The following RALYL variants were observed in gnomAD, a reference collection of about 807,000 sequenced individuals.
RALYL encodes the protein RNA-binding Raly-like protein.
In RALYL, 29 loss-of-function variants were observed where a neutral mutation model predicts 35.1. That is an observed-to-expected ratio of 0.83 (90% CI 0.61 to 1.13). The LOEUF (loss-of-function observed/expected upper bound fraction) is 1.13. Ranked by LOEUF, RALYL falls within the 50% of genes most tolerant of loss-of-function variation. The pLI is 0.00. For missense variants in RALYL, 359 were observed against 360.4 expected (o/e 1.00, Z 0.03); for synonymous variants, 120 against 127.6 (o/e 0.94, Z 0.40).
chr8:84,467,602 A>T (rs902458400), intron 1 of RALYL, among the ~76,000 whole-genome samples: 1 of 151,320 alleles, frequency 6.6e-6, no homozygotes, highest in Non-Finnish European at 1.5e-5. Flanking sequence ...TGTGGTGCTG[A>T]AAAAAATGTA....
At chr8:84,735,962 C>A (rs971548283) in intron 2 of RALYL, among the ~76,000 whole-genome samples, 15 of 151,918 alleles carry the variant, frequency 9.9e-5, no homozygotes, top group African/African-American at 3.4e-4. Context: ...CAAAATACTG[C>A]AAAGTCAAAC....
In RALYL at chr8:84,539,683, T is replaced by C. The variant is rs191546212; in HGVS notation, c.256+10106T>C. ...CATTTAGACTTTACTACCTCTGGAA[T>C]TGAATTTTTTGGTATGGTATTTGAT... On this transcript the variant is annotated intron_variant, in intron 2 of 8. Coordinates refer to ENST00000521268, the MANE Select transcript of RALYL (RefSeq NM_173848.7). Among the ~76,000 whole-genome samples, 243 of 151,992 alleles carry C rather than the reference T, an allele frequency of 1.6e-3. 1 individual carries two copies. The highest frequency in any genetic ancestry group is 5.6e-3 in the African/African-American group (231 of 41,518).
chr8:84,427,885 G>C (rs1201651562), intron 1 of RALYL, among the ~76,000 whole-genome samples: 1 of 152,090 alleles, frequency 6.6e-6, no homozygotes, highest in Non-Finnish European at 1.5e-5. Context: ...ATATATACAG[G>C]TCACTGCTTT....
intron 1 of RALYL, among the ~76,000 whole-genome samples, chr8:84,227,813 A>G (rs1374315737): frequency 2.0e-5 from 3 of 152,174 alleles, no homozygotes; most frequent in African/African-American, 7.2e-5. Flanking sequence ...CATTATTGTA[A>G]TAGTGCCTCA....
At chr8:84,736,830 A>G (rs11985369) in intron 2 of RALYL, among the ~76,000 whole-genome samples, 40,956 of 151,884 alleles carry the variant, frequency 0.27, 5,853 homozygotes, top group African/African-American at 0.34. Flanking sequence ...ATTGTTATCT[A>G]CTTCATGATA....
chr8:84,443,424 C>G (rs1260857881), intron 1 of RALYL, among the ~76,000 whole-genome samples: 2 of 152,174 alleles, frequency 1.3e-5, no homozygotes, highest in Non-Finnish European at 2.9e-5. Flanking sequence ...ACTCACATCT[C>G]ACAGCCCAAA....
chr8:84,256,919 T>A (rs1831316957), intron 1 of RALYL, among the ~76,000 whole-genome samples: 1 of 152,042 alleles, frequency 6.6e-6, no homozygotes, highest in South Asian at 2.1e-4. Flanking sequence ...TCGCTAATAT[T>A]ATCTATTTTA....
chr8:84,311,742 A>G lies in RALYL; in HGVS notation c.-24+127318A>G, dbSNP rs138190906. On this transcript the variant is annotated intron_variant, in intron 1 of 8. Coordinates refer to ENST00000521268, the MANE Select transcript of RALYL (RefSeq NM_173848.7). The stretch of plus-strand genomic sequence containing the variant: ...CTGAAAATGAAGAGTAATGAAGGGA[A>G]GCTAGCCATGCTGGATATTGAAATT... Among the ~76,000 whole-genome samples the G allele has an allele frequency of 2.0e-3, 308 of 152,338 alleles. 1 individual carries two copies. Among genetic ancestry groups the G allele is most frequent in the African/African-American group, 6.7e-3 (280 of 41,576 alleles).
chr8:84,361,217 T>C (rs1852946709), intron 1 of RALYL, among the ~76,000 whole-genome samples: 1 of 152,198 alleles, frequency 6.6e-6, no homozygotes, highest in African/African-American at 2.4e-5. Context: ...GTAAAATTAG[T>C]TTCACATGTG....
At chr8:84,433,881 T>G (rs2047422536) in intron 1 of RALYL, among the ~76,000 whole-genome samples, 1 of 151,564 alleles carries the variant, frequency 6.6e-6, no homozygotes, top group South Asian at 2.1e-4. Context: ...GTGTAACATT[T>G]GAAAATATAT....
chr8:84,880,447 AT>A (rs1019176414), intron 7 of RALYL, among the ~76,000 whole-genome samples: 3 of 151,936 alleles, frequency 2.0e-5, no homozygotes, highest in Admixed American at 6.6e-5. Flanking sequence ...TCTGTACCCT[AT>A]CTCTGTCATC....
At chr8:84,525,716 AAATTCAC>A (rs2058828171) in intron 1 of RALYL, among the ~76,000 whole-genome samples, 1 of 152,004 alleles carries the variant, frequency 6.6e-6, no homozygotes, top group Non-Finnish European at 1.5e-5. Flanking sequence ...CTACAACTTC[AAATTCAC>A]AAATTCGTTC....
rs1021919417 is a variant in RALYL at position 84,183,502 on chromosome 8, G to A, written c.-946G>A. ...GGCAGAGACTGCGAGAAAAAAACGC[G>A]CTTCATTCCTTCTTCCACCGCCATA... On this transcript the variant is annotated 5_prime_UTR_variant, in exon 1 of 9. Transcript: ENST00000521268. 6.6e-6 allele frequency: 1 copy of A among 152,328 alleles called. No homozygotes were observed. The highest frequency in any genetic ancestry group is 2.4e-5 in the African/African-American group (1 of 41,440). The allele number at this position is 152,328 out of a possible 1,614,324, so 9.4% of individuals were successfully genotyped here.
intron 2 of RALYL, among the ~76,000 whole-genome samples, chr8:84,685,091 G>A (rs1053687838): frequency 7.2e-5 from 11 of 151,972 alleles, no homozygotes; most frequent in African/African-American, 1.2e-4. Flanking sequence ...TCATGACCTC[G>A]TCTAACTCAT....
intron 4 of RALYL, among the ~76,000 whole-genome samples, chr8:84,838,760 C>A (rs756399576): frequency 2.6e-5 from 4 of 152,152 alleles, no homozygotes; most frequent in South Asian, 2.1e-4. Flanking sequence ...AATGAATTTT[C>A]TTTTCCTGTG....
intron 1 of RALYL, among the ~76,000 whole-genome samples, chr8:84,275,294 G>T (rs929621020): frequency 6.6e-6 from 1 of 151,914 alleles, no homozygotes; most frequent in African/African-American, 2.4e-5. Context: ...AATCTAACTT[G>T]TTGGTATATT....
intron 4 of RALYL, among the ~76,000 whole-genome samples, chr8:84,844,937 G>A (rs1834287208): frequency 6.6e-6 from 1 of 151,804 alleles, no homozygotes; most frequent in African/African-American, 2.4e-5. Context: ...ATGGACACAG[G>A]AAGGGGAACA....
chr8:84,258,731 A>T (rs2131777600), intron 1 of RALYL, among the ~76,000 whole-genome samples: 1 of 152,256 alleles, frequency 6.6e-6, no homozygotes, highest in East Asian at 1.9e-4. Context: ...CCAGGGTGAT[A>T]TTGGGTGCAT....
At chr8:84,335,060 G>T (rs933628631) in intron 1 of RALYL, among the ~76,000 whole-genome samples, 1 of 152,052 alleles carries the variant, frequency 6.6e-6, no homozygotes, top group Non-Finnish European at 1.5e-5. Flanking sequence ...CCTCCTTAGG[G>T]TTGGCAGAGG....
Sources: allele counts gnomAD v4.1 joint callset (sites outside exome capture counted in the v4.1 genomes callset), GRCh38; gene constraint gnomAD v4.1.1; transcripts MANE v1.5; gene names NCBI Gene and HGNC (gene_info 2026-07-23, HGNC 2026-07-21).